Variants in FRMD4A observed in about 807,000 individuals in gnomAD.
The protein encoded by FRMD4A is FERM domain-containing protein 4A.
In FRMD4A, 29 loss-of-function variants were observed where a neutral mutation model predicts 129.1. The observed-to-expected ratio is 0.22, with a 90% confidence interval of 0.17 to 0.31. FRMD4A has a LOEUF of 0.31. Among genes scored for constraint, FRMD4A ranks in the 10% least tolerant of loss-of-function variants. FRMD4A has a pLI of 1.00. For missense variants in FRMD4A, 1,272 were observed against 1,375.8 expected (o/e 0.92, Z 1.19); for synonymous variants, 634 against 571.6 (o/e 1.11, Z -1.56).
At chr10:13,832,392 G>C (rs1001474007) in intron 3 of FRMD4A, among the ~76,000 whole-genome samples, 1 of 152,182 alleles carries the variant, frequency 6.6e-6, no homozygotes, top group African/African-American at 2.4e-5. Context: ...GGAAGCAGGA[G>C]GTCTGTGCGG....
intron 2 of FRMD4A, among the ~76,000 whole-genome samples, chr10:14,213,857 A>G (rs1399742508): frequency 6.6e-6 from 1 of 152,232 alleles, no homozygotes; most frequent in East Asian, 1.9e-4. Context: ...ATGGTAGTGA[A>G]TAAGTCTCCT....
At chr10:14,252,442 C>G (rs934209078) in intron 2 of FRMD4A, among the ~76,000 whole-genome samples, 2 of 152,124 alleles carry the variant, frequency 1.3e-5, no homozygotes, top group African/African-American at 4.8e-5. Flanking sequence ...AGTAACAGTT[C>G]TTGACTCTTT....
At chr10:13,853,899 A>C (rs74121708) in intron 3 of FRMD4A, among the ~76,000 whole-genome samples, 2,493 of 151,724 alleles carry the variant, frequency 0.016, 77 homozygotes, top group African/African-American at 0.057. Context: ...CCATTCATCT[A>C]AAGTGATGGG....
chr10:13,675,159 G>T (rs2083868489), intron 15 of FRMD4A, 115 bp from the exon 16 acceptor site: 1 of 942,376 alleles, frequency 1.1e-6, no homozygotes, highest in South Asian at 1.5e-5. Flanking sequence ...AGGAATCAAG[G>T]GAGTGTGAAA....
chr10:13,935,446 C>CAAAAAAAAAAA, intron 2 of FRMD4A, among the ~76,000 whole-genome samples: 1 of 36,420 alleles, frequency 2.7e-5, no homozygotes, highest in Non-Finnish European at 4.6e-5. Flanking sequence ...AACTCCATCT[C>CAAAAAAAAAAA]AAAAAAAAAA....
At chr10:14,166,700 T>C (rs1366456746) in intron 2 of FRMD4A, among the ~76,000 whole-genome samples, 2 of 152,196 alleles carry the variant, frequency 1.3e-5, no homozygotes, top group African/African-American at 2.4e-5. Flanking sequence ...AAGAACAGGA[T>C]AGGAAAAGGG....
intron 2 of FRMD4A, among the ~76,000 whole-genome samples, chr10:14,077,197 A>G (rs1835663815): frequency 6.6e-6 from 1 of 152,208 alleles, no homozygotes; most frequent in Non-Finnish European, 1.5e-5. Context: ...GCTACTTGCA[A>G]CCAAGGATGA....
intron 2 of FRMD4A, among the ~76,000 whole-genome samples, chr10:13,976,348 C>T (rs1294012695): frequency 6.6e-6 from 1 of 152,142 alleles, no homozygotes; most frequent in East Asian, 1.9e-4. Context: ...GCCAGGAGTT[C>T]CCCTGCCCAA....
At chr10:14,081,038 T>C (rs1835899593) in intron 2 of FRMD4A, among the ~76,000 whole-genome samples, 1 of 152,086 alleles carries the variant, frequency 6.6e-6, no homozygotes, top group African/African-American at 2.4e-5. Context: ...TATATAAAGA[T>C]TACTCAGGTT....
At chr10:13,886,685 ATC>A (rs1185513956) in intron 2 of FRMD4A, among the ~76,000 whole-genome samples, 99 of 152,218 alleles carry the variant, frequency 6.5e-4, no homozygotes, top group Non-Finnish European at 1.1e-3. Context: ...AACTCAAACA[ATC>A]CTCCCATTTT....
rs182256443 is a variant in FRMD4A, at chr10:14,009,428, G to C, written c.46-150516C>G. Among the ~76,000 whole-genome samples, 805 of 152,134 alleles carry C rather than the reference G, an allele frequency of 5.3e-3. 6 individuals carry two copies. Among genetic ancestry groups the C allele is most frequent in the African/African-American group, 0.019 (768 of 41,488 alleles). On this transcript the variant is annotated intron_variant, in intron 2 of 24. Coordinates refer to ENST00000357447, the MANE Select transcript of FRMD4A (RefSeq NM_018027.5). ...AATCATCCCGTGGTTTTTGGTATTA[G>C]CCTTGATACCACTCATACGCTCTGG...
rs1340503723 is a variant in FRMD4A at position 13,740,402 on chromosome 10, C to T, written c.614+110G>A. The T allele has an allele frequency of 8.0e-6, 7 of 872,236 alleles. No homozygotes were observed. In the East Asian group the frequency reaches 1.5e-4, roughly 18 times the overall value. 54.0% of individuals were successfully genotyped at this position (872,236 alleles called of 1,614,324 possible). ...TACTTGAAAATTAAATGGAAACATA[C>T]ACCCCCCACTCCCAGATATGTCTTT... On this transcript the variant is annotated intron_variant, in intron 10 of 24. Coordinates refer to ENST00000357447, the MANE Select transcript of FRMD4A (RefSeq NM_018027.5).
intron 2 of FRMD4A, among the ~76,000 whole-genome samples, chr10:13,863,976 TTCTC>T (rs903829779): frequency 2.0e-5 from 3 of 151,784 alleles, no homozygotes; most frequent in African/African-American, 4.8e-5. Flanking sequence ...GCAAAGTCTT[TTCTC>T]TCTCTCTCTT....
chr10:14,206,071 C>A (rs1441227100), intron 2 of FRMD4A, among the ~76,000 whole-genome samples: 1 of 152,170 alleles, frequency 6.6e-6, no homozygotes, highest in Non-Finnish European at 1.5e-5. Flanking sequence ...TTGTCAGTGA[C>A]CAGTCTGCCT....
intron 5 of FRMD4A, among the ~76,000 whole-genome samples, chr10:13,792,040 T>C (rs11591619): frequency 0.6 from 91,105 of 151,934 alleles, 27,842 homozygotes; most frequent in East Asian, 0.73. Context: ...TCCAGTGTGG[T>C]ATTTCCAAGA....
At chr10:14,018,570 C>A (rs1230585666) in intron 2 of FRMD4A, among the ~76,000 whole-genome samples, 2 of 150,538 alleles carry the variant, frequency 1.3e-5, no homozygotes, top group Non-Finnish European at 2.9e-5. Context: ...TTTTAAGTTA[C>A]TTTTAGGGAG....
chr10:13,785,007 A>G (rs2092820600), intron 5 of FRMD4A, among the ~76,000 whole-genome samples: 1 of 151,650 alleles, frequency 6.6e-6, no homozygotes, highest in Non-Finnish European at 1.5e-5. Flanking sequence ...AAAAAAAAAA[A>G]AAGTATCTTT....
intron 4 of FRMD4A, among the ~76,000 whole-genome samples, chr10:13,801,726 C>A (rs2093258704): frequency 6.6e-6 from 1 of 152,188 alleles, no homozygotes; most frequent in South Asian, 2.1e-4. Context: ...TTGTTTTCTG[C>A]TCATCTCTAA....
chr10:13,714,027 C>CATATATATAAAATATATATTTTTTATAT lies in FRMD4A; in HGVS notation c.760-6915_760-6914insATATAAAAAATATATATTTTATATATAT, dbSNP rs1554858885. Among the ~76,000 whole-genome samples the CATATATATAAAATATATATTTTTTATAT allele has an allele frequency of 1.3e-4, 4 of 31,170 alleles. 1 individual carries two copies. The highest frequency in any genetic ancestry group is 2.0e-4 in the Non-Finnish European group (4 of 19,562). 20.4% of individuals were successfully genotyped at this position (31,170 alleles called of 152,430 possible). ...ATATAATATACATATATAAAATATA[C>CATATATATAAAATATATATTTTTTATAT]ATATATATATATATATATATATATA... On this transcript the variant is annotated intron_variant, in intron 12 of 24. Coordinates refer to ENST00000357447, the MANE Select transcript of FRMD4A (RefSeq NM_018027.5).
Sources: gnomAD v4.1 joint callset for allele counts (sites outside exome capture counted in the v4.1 genomes callset) on GRCh38, gnomAD v4.1.1 for gene constraint, MANE v1.5 for transcripts, NCBI Gene and HGNC (gene_info 2026-07-23, HGNC 2026-07-21) for gene names.